IMMP2L: variants seen among roughly 807,000 people sequenced by gnomAD.
The protein encoded by IMMP2L is inner mitochondrial membrane peptidase subunit 2.
A neutral mutation model predicts 19.3 loss-of-function variants in IMMP2L; 18 were observed. The observed-to-expected ratio is 0.93, with a 90% CI of 0.64 to 1.38. The LOEUF (loss-of-function observed/expected upper bound fraction) is 1.38, where lower values mean the gene tolerates loss of function less well. Ranked by LOEUF, IMMP2L falls within the 40% of genes most tolerant of loss-of-function variation. The probability of loss-of-function intolerance (pLI) is 0.00; values close to 1 mark genes in which losing one functional copy is unlikely to be tolerated. For synonymous variants in IMMP2L, 76 were observed against 73.0 expected (o/e 1.04, Z -0.21); for missense variants, 233 against 218.2 (o/e 1.07, Z -0.43).
chr7:110,815,177 C>G (rs188072788), intron 5 of IMMP2L, among the ~76,000 whole-genome samples: 5 of 151,916 alleles, frequency 3.3e-5, no homozygotes, highest in African/African-American at 9.7e-5. Flanking sequence ...TAGCATGAAG[C>G]GCTGTTGAAT....
rs117395610 is a variant in IMMP2L at position 110,973,831 on chromosome 7, T to C, written c.240-10266A>G. The stretch of plus-strand genomic sequence containing the variant: ...ATCTCTACAGCTGTCATGTTGATGC[T>C]CTTTGTGAGTTGTACATTTCACAGA... On this transcript the variant is annotated intron_variant, in intron 3 of 5. Coordinates refer to ENST00000405709, the MANE Select transcript of IMMP2L (RefSeq NM_032549.4). Among the ~76,000 whole-genome samples, 124 of 152,250 alleles carry C rather than the reference T, an allele frequency of 8.1e-4. No homozygotes were observed. In the East Asian group the frequency reaches 0.02, roughly 25 times the overall value.
At chr7:111,014,064 C>A (rs1363229195) in intron 3 of IMMP2L, among the ~76,000 whole-genome samples, 1 of 152,012 alleles carries the variant, frequency 6.6e-6, no homozygotes, top group Non-Finnish European at 1.5e-5. Flanking sequence ...TATCCATAAT[C>A]AAATATAAGT....
intron 3 of IMMP2L, among the ~76,000 whole-genome samples, chr7:111,448,511 G>A (rs1465321111): frequency 7.5e-5 from 10 of 133,836 alleles, no homozygotes; most frequent in African/African-American, 2.0e-4. Flanking sequence ...TGAAACCAAC[G>A]AGAACAAAGA....
intron 5 of IMMP2L, among the ~76,000 whole-genome samples, chr7:110,840,233 C>T (rs1436927458): frequency 6.6e-6 from 1 of 152,072 alleles, no homozygotes; most frequent in South Asian, 2.1e-4. Flanking sequence ...ATAGCTCCTA[C>T]TATTGCTAGC....
intron 3 of IMMP2L, chr7:111,390,454 T>C (rs1258019973): frequency 3.9e-5 from 6 of 152,174 alleles, no homozygotes; most frequent in Admixed American, 2.0e-4. Flanking sequence ...TGACAAAACA[T>C]AGCTTGATAT....
intron 5 of IMMP2L, among the ~76,000 whole-genome samples, chr7:110,881,508 C>T (rs2129544950): frequency 6.6e-6 from 1 of 152,140 alleles, no homozygotes; most frequent in South Asian, 2.1e-4. Flanking sequence ...AAAGAATAAG[C>T]ATGTACTACA....
chr7:110,742,924 C>A (rs190731302), intron 5 of IMMP2L, among the ~76,000 whole-genome samples: 1 of 152,118 alleles, frequency 6.6e-6, no homozygotes, highest in African/African-American at 2.4e-5. Flanking sequence ...GACATTCCTA[C>A]GTACATTACG....
At chr7:110,806,109 G>A (rs954946577) in intron 5 of IMMP2L, among the ~76,000 whole-genome samples, 2 of 151,888 alleles carry the variant, frequency 1.3e-5, no homozygotes, top group Non-Finnish European at 2.9e-5. Flanking sequence ...ATCACAGAGG[G>A]AACCTGGTGA....
intron 3 of IMMP2L, among the ~76,000 whole-genome samples, chr7:111,030,117 G>T (rs1827249628): frequency 6.6e-6 from 1 of 152,100 alleles, no homozygotes; most frequent in African/African-American, 2.4e-5. Flanking sequence ...CCCCAGGAGA[G>T]ACTCAATCTC....
chr7:110,926,648 T>G (rs1027060415), intron 4 of IMMP2L, among the ~76,000 whole-genome samples: 1 of 152,170 alleles, frequency 6.6e-6, no homozygotes, highest in Non-Finnish European at 1.5e-5. Context: ...TTCTTTTTAG[T>G]CCATTTGAAA....
chr7:110,699,173 C>T (rs1267190848), intron 5 of IMMP2L, among the ~76,000 whole-genome samples: 1 of 152,168 alleles, frequency 6.6e-6, no homozygotes, highest in Non-Finnish European at 1.5e-5. Flanking sequence ...CTCAGATTTC[C>T]CAAGCTTCTC....
At chr7:110,722,744 G>A (rs1206289972) in intron 5 of IMMP2L, among the ~76,000 whole-genome samples, 3 of 152,076 alleles carry the variant, frequency 2.0e-5, no homozygotes, top group East Asian at 1.9e-4. Flanking sequence ...CCCTGGTTTA[G>A]AGGCCCTTCT....
chr7:110,959,907 A>G (rs546470128), intron 4 of IMMP2L, among the ~76,000 whole-genome samples: 35 of 152,058 alleles, frequency 2.3e-4, no homozygotes, highest in Non-Finnish European at 4.3e-4. Flanking sequence ...CAATATTTAC[A>G]TGTGCTGAGG....
intron 3 of IMMP2L, among the ~76,000 whole-genome samples, chr7:111,210,456 T>C (rs949939050): frequency 3.9e-5 from 6 of 152,188 alleles, no homozygotes; most frequent in African/African-American, 1.4e-4. Flanking sequence ...ACTAGGCAGA[T>C]AGGTGCCTCA....
intron 3 of IMMP2L, among the ~76,000 whole-genome samples, chr7:111,361,584 A>G (rs1368795051): frequency 1.3e-5 from 2 of 152,112 alleles, no homozygotes; most frequent in East Asian, 1.9e-4. Context: ...TCGAAACTCA[A>G]CAAAACATTT....
At chr7:111,176,302 G>C (rs188758664) in intron 3 of IMMP2L, among the ~76,000 whole-genome samples, 13 of 151,930 alleles carry the variant, frequency 8.6e-5, no homozygotes, top group Non-Finnish European at 1.5e-4. Context: ...TATTCAAAGA[G>C]GTATCTATCT....
chr7:111,262,670 G>T (rs987949987), intron 3 of IMMP2L, among the ~76,000 whole-genome samples: 1 of 152,132 alleles, frequency 6.6e-6, no homozygotes, highest in Admixed American at 6.6e-5. Context: ...TATCTCCCTA[G>T]ATAATATTTT....
chr7:111,061,272 G>C (rs931436122), intron 3 of IMMP2L, among the ~76,000 whole-genome samples: 1 of 152,124 alleles, frequency 6.6e-6, no homozygotes, highest in African/African-American at 2.4e-5. Context: ...AATCAGACTG[G>C]CTAGTGAGCC....
At chr7:111,290,744 G>A (rs1820999476) in intron 3 of IMMP2L, among the ~76,000 whole-genome samples, 1 of 151,254 alleles carries the variant, frequency 6.6e-6, no homozygotes, top group Non-Finnish European at 1.5e-5. Flanking sequence ...CCCTTTTTGT[G>A]CTTCATGTTT....
Sources: allele counts gnomAD v4.1 joint callset (sites outside exome capture counted in the v4.1 genomes callset), GRCh38; gene constraint gnomAD v4.1.1; transcripts MANE v1.5; gene names NCBI Gene and HGNC (gene_info 2026-07-23, HGNC 2026-07-21).